Variants in ZNF449 observed in about 807,000 individuals in gnomAD.
The protein encoded by ZNF449 is zinc finger protein 449, also known as zinc finger and SCAN domain-containing protein 19.
In ZNF449, 4 loss-of-function variants were observed where a neutral mutation model predicts 32.6. That is an observed-to-expected ratio of 0.12 (90% CI 0.06 to 0.28). ZNF449 has a LOEUF of 0.28. Among genes scored for constraint, ZNF449 ranks in the 10% least tolerant of loss-of-function variants. The probability of loss-of-function intolerance (pLI) is 1.00; values close to 1 mark genes in which losing one functional copy is unlikely to be tolerated. For synonymous variants in ZNF449, 123 were observed against 132.2 expected (o/e 0.93, Z 0.48); for missense variants, 275 against 383.2 (o/e 0.72, Z 2.36).
At chrX:135,349,335 C>CT in intron 3 of ZNF449, 21 bp downstream of exon 3, 1 of 1,198,945 alleles carries the variant, frequency 8.3e-7, no homozygotes, top group Non-Finnish European at 1.1e-6. Context: ...GGTTTCTCTC[C>CT]TTTCTTTTGT....
chrX:135,360,858 C>T lies in ZNF449; in HGVS notation c.1339C>T (p.Leu447=). 8.3e-7 allele frequency: 1 copy of T among 1,210,825 alleles called. No individual in the cohort carries two copies. Among genetic ancestry groups the T allele is most frequent in the Non-Finnish European group, 1.1e-6 (1 of 895,084 alleles). The stretch of plus-strand genomic sequence containing the variant: ...TAATTGTGGGAAAAGTTTTAGTCGA[C>T]TGACAGCTCTTACTTTGCACCAGAG... ...CHNCGKSFSR[L]TALTLHQRTH... Residue 447 remains leucine (L), a synonymous_variant, in exon 5 of 5, where the codon CTG becomes TTG. Coordinates refer to ENST00000339249, the MANE Select transcript of ZNF449 (RefSeq NM_152695.6).
chrX:135,359,749 CT>C (rs2084935353), intron 3 of ZNF449, 142 bp from the exon 4 acceptor site: 1 of 387,649 alleles, frequency 2.6e-6, no homozygotes, highest in Non-Finnish European at 4.6e-6. Context: ...AAAGAAAAGA[CT>C]GTTGTAAGAG....
intron 3 of ZNF449, among the ~76,000 whole-genome samples, chrX:135,355,709 A>G (rs1225221633): frequency 8.9e-6 from 1 of 111,773 alleles, no homozygotes; most frequent in Non-Finnish European, 1.9e-5. Context: ...CGTTATTGAA[A>G]TATAATTCAC....
chrX:135,349,439 G>T, intron 3 of ZNF449, 125 bp downstream of exon 3: 1 of 658,499 alleles, frequency 1.5e-6, no homozygotes, highest in Non-Finnish European at 2.3e-6. Context: ...TAAAGAAGAG[G>T]AAAAAGTCTC....
chrX:135,361,291 C>T lies in ZNF449; in HGVS notation c.*215C>T. On this transcript the variant is annotated 3_prime_UTR_variant, in exon 5 of 5. Transcript: ENST00000339249. Reference sequence around the variant, plus strand: ...TTTTCTTAGATTTGATTTCTTCTGTCTGCACAACTCTTCTTTTTTTAATTA... The same window carrying T: ...TTTTCTTAGATTTGATTTCTTCTGTTTGCACAACTCTTCTTTTTTTAATTA... 3.3e-6 allele frequency: 1 copy of T among 302,216 alleles called. No homozygotes were observed. The highest frequency in any genetic ancestry group is 5.7e-6 in the Non-Finnish European group (1 of 175,018). The allele number at this position is 302,216 out of a possible 1,213,427, so 24.9% of individuals were successfully genotyped here.
At chrX:135,348,936 C>T (rs2084866888) in intron 2 of ZNF449, 174 bp from the exon 3 acceptor site, 1 of 932,663 alleles carries the variant, frequency 1.1e-6, no homozygotes, top group South Asian at 2.5e-5. Flanking sequence ...ATGTTGAAAT[C>T]CTGATTGTTT....
At chrX:135,348,664 C>T in intron 2 of ZNF449, 3 of 898,980 alleles carry the variant, frequency 3.3e-6, no homozygotes, top group Non-Finnish European at 2.9e-6. Context: ...TTTTCTGTCT[C>T]CCTAGGGTAC....
At position 135,347,947 on chromosome X, in the gene ZNF449, G is replaced by A. The variant is rs186960124; in HGVS notation, c.354+475G>A. 2.3e-3 allele frequency: 490 copies of A among 209,317 alleles called. 3 individuals are homozygous for A. The highest frequency in any genetic ancestry group is 0.014 in the African/African-American group (463 of 34,003). 17.3% of individuals were successfully genotyped at this position (209,317 alleles called of 1,213,427 possible). On this transcript the variant is annotated intron_variant, in intron 2 of 4. Coordinates refer to ENST00000339249, the MANE Select transcript of ZNF449 (RefSeq NM_152695.6). ...GCTCTTTATAAAGTTTGCCAACCCT[G>A]AATCAAGTCTAGAAGGAATATAAAG...
At chrX:135,345,559 C>T (rs1199112210) in intron 1 of ZNF449, among the ~76,000 whole-genome samples, 1 of 112,367 alleles carries the variant, frequency 8.9e-6, no homozygotes, top group Non-Finnish European at 1.9e-5. Flanking sequence ...GGGCATGCTG[C>T]TATTCGCTTC....
chrX:135,352,669 C>G (rs1214089616), intron 3 of ZNF449, among the ~76,000 whole-genome samples: 1 of 111,949 alleles, frequency 8.9e-6, no homozygotes, highest in Non-Finnish European at 1.9e-5. Flanking sequence ...AAGTAAAATA[C>G]AGGACAAACA....
chrX:135,348,176 A>G (rs896541873), intron 2 of ZNF449: 2 of 125,234 alleles, frequency 1.6e-5, no homozygotes, highest in African/African-American at 6.5e-5. Flanking sequence ...ATGGCATACG[A>G]CTCTAGGTAA....
chrX:135,346,454 T>C (rs1302132098), intron 1 of ZNF449, among the ~76,000 whole-genome samples: 2 of 111,867 alleles, frequency 1.8e-5, no homozygotes, highest in African/African-American at 3.3e-5. Context: ...ACTTTCAGAG[T>C]TTTTTGGAAG....
intron 3 of ZNF449, among the ~76,000 whole-genome samples, chrX:135,350,597 C>T (rs1195855579): frequency 8.9e-6 from 1 of 112,112 alleles, no homozygotes; most frequent in East Asian, 2.8e-4. Flanking sequence ...TCTACGAGCA[C>T]CTTTGAGGAG....
Position 135,359,932 on chromosome X carries a change from G to C in ZNF449, c.600G>C (p.Glu200Asp). The C allele has an allele frequency of 8.3e-7, 1 of 1,199,412 alleles. No homozygotes were observed. The highest frequency in any genetic ancestry group is 1.1e-6 in the Non-Finnish European group (1 of 887,918). ...LPKLDMNFSL[E>D]NREEPWVKEL... ...AACTTGACATGAACTTCTCATTGGA[G>C]AATAGAGAAGAGCCATGGGTGAAGG... The change falls in exon 4 of 5, where the codon GAG becomes GAC. Residue 200 changes from glutamate to aspartate, a missense_variant. By Grantham distance (45) the Glu-to-Asp change is conservative. This residue lies in a region of ZNF449 where 165 missense variants were observed against 175.0 expected (regional missense o/e 0.94). Coordinates refer to ENST00000339249, the MANE Select transcript of ZNF449 (RefSeq NM_152695.6).
intron 3 of ZNF449, among the ~76,000 whole-genome samples, chrX:135,357,318 G>A (rs1197854296): frequency 9.0e-6 from 1 of 111,155 alleles, no homozygotes; most frequent in African/African-American, 3.3e-5. Context: ...TTTTAATAGG[G>A]TGGGAGGTAG....
Position 135,360,520 on chromosome X carries a change from G to A in ZNF449, c.1001G>A (p.Arg334Gln), listed in dbSNP as rs2084941379. The A allele has an allele frequency of 2.5e-6, 3 of 1,211,422 alleles. No individual in the cohort carries two copies. The highest frequency in any genetic ancestry group is 3.5e-5 in the South Asian group (2 of 56,988). ...RCPQCGKCFA[R>Q]KSQLTGHQRI... is the part of the protein sequence containing the mutation. ...CCTCAGTGTGGAAAATGTTTTGCTC[G>A]GAAGTCACAACTTACTGGGCATCAG... Residue 334 changes from arginine (R) to glutamine (Q), a missense_variant, in exon 5 of 5, where the codon CGG (arginine) becomes CAG (glutamine). Transcript: ENST00000339249.
chrX:135,362,375 T>G lies in ZNF449; in HGVS notation c.*1299T>G, dbSNP rs1433154349. 8.9e-6 allele frequency: 1 copy of G among 111,968 alleles called. No individual in the cohort carries two copies. Among genetic ancestry groups the G allele is most frequent in the African/African-American group, 3.2e-5 (1 of 30,875 alleles). 9.2% of individuals were successfully genotyped at this position (111,968 alleles called of 1,213,427 possible). On this transcript the variant is annotated 3_prime_UTR_variant, in exon 5 of 5. Coordinates refer to ENST00000339249, the MANE Select transcript of ZNF449 (RefSeq NM_152695.6). ...CTGAGGATCACTAATTCAGATAATG[T>G]ATAAGTTTCCCAGTGATTCTCAACC...
chrX:135,360,218 A>G lies in ZNF449; in HGVS notation c.699A>G (p.Glu233=), dbSNP rs1556453062. 8.4e-7 allele frequency: 1 copy of G among 1,186,775 alleles called. No homozygotes were observed. The highest frequency in any genetic ancestry group is 1.9e-5 in the South Asian group (1 of 52,611). The change falls in exon 5 of 5, where the codon GAA becomes GAG. Residue 233 remains glutamate (E), a synonymous_variant. Coordinates refer to ENST00000339249, the MANE Select transcript of ZNF449 (RefSeq NM_152695.6). ...GTTTTGAGATCGGGATAGAAAATGA[A>G]GAAGATACTTCAAAACAGAAAAAAA... ...KIGFEIGIEN[E]EDTSKQKKME...
chrX:135,347,772 G>A, intron 2 of ZNF449: 2 of 722,722 alleles, frequency 2.8e-6, no homozygotes, highest in South Asian at 3.0e-5. Context: ...TTGCTCCATG[G>A]CCTGAAGGCC....
Sources: gnomAD v4.1 joint callset for allele counts (sites outside exome capture counted in the v4.1 genomes callset) on GRCh38, gnomAD v4.1.1 for gene constraint, gnomAD v4.1.1 regional missense constraint, MANE v1.5 for transcripts, NCBI Gene and HGNC (gene_info 2026-07-23, HGNC 2026-07-21) for gene names.